ZNF700: variants seen among roughly 807,000 people sequenced by gnomAD.
ZNF700 encodes zinc finger protein 700.
Under a neutral mutation model 65.3 loss-of-function variants are expected in ZNF700, and 38 were observed. The observed-to-expected ratio is 0.58, with a 90% CI of 0.45 to 0.76. The LOEUF is 0.76. ZNF700 is among the 30% of genes least tolerant of loss of function. The probability of loss-of-function intolerance (pLI) is 0.00; values close to 1 mark genes in which losing one functional copy is unlikely to be tolerated. For synonymous variants in ZNF700, 285 were observed against 290.4 expected, an observed-to-expected ratio of 0.98 and a Z score of 0.19; for missense variants, 857 against 888.4, an observed-to-expected ratio of 0.96 and a Z score of 0.45.
At chr19:11,937,237 TAGG>T (rs1293595367) in intron 1 of ZNF700, among the ~76,000 whole-genome samples, 2 of 152,184 alleles carry the variant, frequency 1.3e-5, no homozygotes, top group African/African-American at 4.8e-5. Context: ...AATGATTCAT[TAGG>T]AGGTAGTTTT....
intron 1 of ZNF700, among the ~76,000 whole-genome samples, chr19:11,928,731 C>CAAAAAAAA (rs779525520): frequency 1.9e-5 from 1 of 53,452 alleles, no homozygotes; most frequent in Non-Finnish European, 3.9e-5. Context: ...GACTCCGTCT[C>CAAAAAAAA]AAAAAAAAAA....
chr19:11,937,575 A>C (rs994013428), intron 1 of ZNF700, among the ~76,000 whole-genome samples: 1 of 138,016 alleles, frequency 7.2e-6, no homozygotes, highest in Non-Finnish European at 1.5e-5. Context: ...TGCAACCTCC[A>C]CCTCCCAGGT....
At chr19:11,930,187 TCA>T (rs1365945088) in intron 1 of ZNF700, among the ~76,000 whole-genome samples, 1 of 148,476 alleles carries the variant, frequency 6.7e-6, no homozygotes, top group Non-Finnish European at 1.5e-5. Context: ...TCTCCTAACT[TCA>T]GTTTCCATTA....
chr19:11,926,471 C>T (rs1568288719), intron 1 of ZNF700: 1 of 152,464 alleles, frequency 6.6e-6, no homozygotes, highest in Non-Finnish European at 1.5e-5. Context: ...TCACTGCAAC[C>T]TCCACCTTCC....
At chr19:11,926,393 G>C (rs777780150) in intron 1 of ZNF700, among the ~76,000 whole-genome samples, 2 of 152,018 alleles carry the variant, frequency 1.3e-5, no homozygotes, top group Non-Finnish European at 2.9e-5. Flanking sequence ...AGCTGGAAAG[G>C]TACTTTGTTT....
intron 1 of ZNF700, among the ~76,000 whole-genome samples, chr19:11,940,701 C>T (rs1169716548): frequency 6.6e-6 from 1 of 152,150 alleles, no homozygotes; most frequent in African/African-American, 2.4e-5. Context: ...CTGGCTCAGG[C>T]AGCCTGCTTT....
chr19:11,925,580 G>A (rs892856930), intron 1 of ZNF700, among the ~76,000 whole-genome samples: 7 of 152,230 alleles, frequency 4.6e-5, no homozygotes, highest in African/African-American at 1.7e-4. Context: ...CAACGGGAGG[G>A]TCATGGAGGC....
At chr19:11,946,746 A>T (rs1390343229) in intron 1 of ZNF700, 1 of 154,148 alleles carries the variant, frequency 6.5e-6, no homozygotes, top group African/African-American at 2.4e-5. Context: ...CCTTTTTGAA[A>T]TTTTTTATAA....
rs775568551 is a variant in ZNF700, at chr19:11,950,357, A to G, written c.*104A>G. The G allele has an allele frequency of 7.6e-6, 9 of 1,186,506 alleles. No individual in the cohort carries two copies. The highest frequency in any genetic ancestry group is 9.8e-6 in the Non-Finnish European group (8 of 817,332). 73.5% of individuals were successfully genotyped at this position (1,186,506 alleles called of 1,614,324 possible). A position where few individuals can be genotyped will look rare whatever the true frequency, so the allele number is the denominator to read the frequency against. The stretch of plus-strand genomic sequence containing the variant: ...ACATTTTCCAGTTCTTTTCGATATC[A>G]TGAAAGGACTCACACTGGGGAGAAA... On this transcript the variant is annotated 3_prime_UTR_variant, in exon 4 of 4. Transcript: ENST00000254321.
Position 11,948,309 on chromosome 19 carries a change from A to C in ZNF700, c.285A>C (p.Lys95Asn), listed in dbSNP as rs201622051. 1.9e-6 allele frequency: 3 copies of C among 1,613,526 alleles called. No homozygotes were observed. The highest frequency in any genetic ancestry group is 3.3e-5 in the Admixed American group (2 of 59,860). Residue 95 changes from lysine (K) to asparagine (N), a missense_variant, in exon 4 of 4, where the codon AAA becomes AAC. Physicochemically the swap from Lys to Asn is moderately conservative, Grantham distance 94. This residue lies in a region of ZNF700 where 603 missense variants were observed against 619.9 expected (regional missense o/e 0.97). Transcript: ENST00000254321. The stretch of plus-strand genomic sequence containing the variant: ...TAGAAGAGAAAGTCAATGAAATTAA[A>C]GAAGACAGTCATTGTGGAGAAACTT... ...SLIEEKVNEIKEDSHCGETFT... is the reference protein window; with the variant it reads ...SLIEEKVNEINEDSHCGETFT...
chr19:11,945,242 A>G (rs1972942153), intron 1 of ZNF700, among the ~76,000 whole-genome samples: 1 of 152,198 alleles, frequency 6.6e-6, no homozygotes, highest in Non-Finnish European at 1.5e-5. Context: ...TTGTGACCCC[A>G]TATAGAGGTT....
Position 11,948,257 on chromosome 19 carries a change from T to A in ZNF700, c.252-19T>A, listed in dbSNP as rs368606758. ...ACTTGTAAACAAACCCTTCATGATGTGTTTCTCATGTTTTACAGGAGTCTC... is the reference window on the plus strand; with the variant it reads ...ACTTGTAAACAAACCCTTCATGATGAGTTTCTCATGTTTTACAGGAGTCTC... On this transcript the variant is annotated intron_variant, in intron 3 of 3. Coordinates refer to ENST00000254321, the MANE Select transcript of ZNF700 (RefSeq NM_144566.3). 4.2e-5 allele frequency: 68 copies of A among 1,605,970 alleles called. 3 individuals carry two copies. In the South Asian group the frequency reaches 6.8e-4, roughly 16 times the overall value.
rs1008222677 is a variant in ZNF700 at position 11,927,168 on chromosome 19, C to T, written c.63+1895C>T. Among the ~76,000 whole-genome samples the T allele has an allele frequency of 2.6e-5, 4 of 152,230 alleles. No homozygotes were observed. In the South Asian group the frequency reaches 6.2e-4, roughly 24 times the overall value. ...AGGAGTTCGAGACCAGCCTGGGCAACATAGTGAAACCCCATCTCTTCCAAA... is the reference window on the plus strand; with the variant it reads ...AGGAGTTCGAGACCAGCCTGGGCAATATAGTGAAACCCCATCTCTTCCAAA... On this transcript the variant is annotated intron_variant, in intron 1 of 3. Coordinates refer to ENST00000254321, the MANE Select transcript of ZNF700 (RefSeq NM_144566.3).
chr19:11,928,668 C>A (rs1486374503), intron 1 of ZNF700, among the ~76,000 whole-genome samples: 1 of 143,192 alleles, frequency 7.0e-6, no homozygotes, highest in African/African-American at 2.7e-5. Flanking sequence ...GGAGGCGGAG[C>A]TTGCAGTGAG....
At chr19:11,947,721 C>A in intron 3 of ZNF700, 147 bp downstream of exon 3, 1 of 835,170 alleles carries the variant, frequency 1.2e-6, no homozygotes, top group South Asian at 1.8e-5. Flanking sequence ...TATATTTAAA[C>A]GTGACTGAGG....
intron 1 of ZNF700, among the ~76,000 whole-genome samples, chr19:11,941,229 T>A (rs191952233): frequency 6.6e-6 from 1 of 152,380 alleles, no homozygotes; most frequent in Non-Finnish European, 1.5e-5. Context: ...CCCAGATGGC[T>A]TCACCCAGTG....
At chr19:11,934,540 T>A (rs1254773191) in intron 1 of ZNF700, among the ~76,000 whole-genome samples, 1 of 148,054 alleles carries the variant, frequency 6.8e-6, no homozygotes, top group African/African-American at 2.6e-5. Flanking sequence ...TGTTTGTTTG[T>A]TTGGAGATGC....
At chr19:11,928,895 C>T (rs1972674879) in intron 1 of ZNF700, among the ~76,000 whole-genome samples, 1 of 147,414 alleles carries the variant, frequency 6.8e-6, no homozygotes, top group Non-Finnish European at 1.5e-5. Flanking sequence ...GCCTGGGCAA[C>T]ATATTGAGAC....
rs1337310240 is a variant in ZNF700, at chr19:11,948,379, GCTT to G, written c.358_360del (p.Ser120del). 1 of 1,613,870 alleles carries G rather than the reference GCTT, an allele frequency of 6.2e-7. No individual in the cohort carries two copies. The highest frequency in any genetic ancestry group is 1.3e-5 in the African/African-American group (1 of 74,924). On this transcript the variant is annotated inframe_deletion, in exon 4 of 4. Transcript: ENST00000254321. ...CAGACTGAACTTCCAGGAGAAGAAAGCTTCTCCTGAAGTAAAATCATGTGACAG... is the reference window on the plus strand; with the variant it reads ...CAGACTGAACTTCCAGGAGAAGAAAGCTCCTGAAGTAAAATCATGTGACAG...
Sources: gnomAD v4.1 joint callset for allele counts (sites outside exome capture counted in the v4.1 genomes callset) on GRCh38, gnomAD v4.1.1 for gene constraint, gnomAD v4.1.1 regional missense constraint, MANE v1.5 for transcripts, NCBI Gene and HGNC (gene_info 2026-07-23, HGNC 2026-07-21) for gene names.